The following CHST11 variants were observed in gnomAD, a reference collection of about 807,000 sequenced individuals.
CHST11 encodes the protein C4S-1.
A neutral mutation model predicts 30.4 loss-of-function variants in CHST11; 9 were observed. The observed-to-expected ratio is 0.30, with a 90% CI of 0.18 to 0.52. The LOEUF (loss-of-function observed/expected upper bound fraction) is 0.52, where lower values mean the gene tolerates loss of function less well. CHST11 is among the 20% of genes least tolerant of loss of function. The probability of loss-of-function intolerance (pLI) is 0.97; values close to 1 mark genes in which losing one functional copy is unlikely to be tolerated. For synonymous variants in CHST11, 152 were observed against 187.8 expected, an observed-to-expected ratio of 0.81 and a Z score of 1.56; for missense variants, 348 against 460.6, an observed-to-expected ratio of 0.76 and a Z score of 2.24.
chr12:104,641,895 G>A (rs1455548815), intron 2 of CHST11, among the ~76,000 whole-genome samples: 2 of 152,148 alleles, frequency 1.3e-5, no homozygotes, highest in Non-Finnish European at 2.9e-5. Context: ...TAAAGCCATG[G>A]TTCTCAACCA....
chr12:104,715,163 G>C (rs1355205087), intron 2 of CHST11, among the ~76,000 whole-genome samples: 1 of 152,132 alleles, frequency 6.6e-6, no homozygotes, highest in Non-Finnish European at 1.5e-5. Flanking sequence ...TCAGGAGTTC[G>C]AGACCAGCCT....
chr12:104,756,919 G>A, intron 2 of CHST11, 30 bp from the exon 3 acceptor site: 2 of 1,591,918 alleles, frequency 1.3e-6, no homozygotes, highest in East Asian at 2.2e-5. Flanking sequence ...CAAGTACTGA[G>A]TTCTTATTCG....
intron 1 of CHST11, among the ~76,000 whole-genome samples, chr12:104,549,196 G>T (rs1490606303): frequency 6.6e-6 from 1 of 152,194 alleles, no homozygotes; most frequent in Admixed American, 6.5e-5. Context: ...GGGCTGGAGT[G>T]GGGACAGCTG....
chr12:104,704,731 G>A (rs1392333996), intron 2 of CHST11, among the ~76,000 whole-genome samples: 1 of 151,734 alleles, frequency 6.6e-6, no homozygotes, highest in Non-Finnish European at 1.5e-5. Flanking sequence ...CCAGAACCCT[G>A]GCCTTTGGAG....
At chr12:104,498,823 G>A (rs901428320) in intron 1 of CHST11, among the ~76,000 whole-genome samples, 1 of 152,192 alleles carries the variant, frequency 6.6e-6, no homozygotes, top group African/African-American at 2.4e-5. Flanking sequence ...AACATTAAGG[G>A]TTTCTTTTAT....
At chr12:104,554,428 T>G (rs1375797825) in intron 1 of CHST11, among the ~76,000 whole-genome samples, 1 of 152,166 alleles carries the variant, frequency 6.6e-6, no homozygotes, top group East Asian at 1.9e-4. Context: ...GTGTTTGAAA[T>G]GAGGGTAAGA....
At chr12:104,738,295 C>CT (rs1477185691) in intron 2 of CHST11, among the ~76,000 whole-genome samples, 1 of 152,210 alleles carries the variant, frequency 6.6e-6, no homozygotes, top group Non-Finnish European at 1.5e-5. Flanking sequence ...GCCCCGCTCT[C>CT]TGTCGCCTCA....
intron 2 of CHST11, among the ~76,000 whole-genome samples, chr12:104,639,717 G>C (rs2057321276): frequency 6.6e-6 from 1 of 152,202 alleles, no homozygotes; most frequent in African/African-American, 2.4e-5. Context: ...GCATTAACAT[G>C]ATCTGAGGGA....
chr12:104,731,294 C>T (rs951975021), intron 2 of CHST11, among the ~76,000 whole-genome samples: 1 of 152,180 alleles, frequency 6.6e-6, no homozygotes, highest in African/African-American at 2.4e-5. Flanking sequence ...GACACTCCCA[C>T]CAGCAAACTA....
chr12:104,483,957 C>G (rs1380172870), intron 1 of CHST11, among the ~76,000 whole-genome samples: 1 of 152,194 alleles, frequency 6.6e-6, no homozygotes. Context: ...CAGGGAGGAT[C>G]TGAACCTGGG....
chr12:104,579,853 AG>A lies in CHST11; in HGVS notation c.119-22051del, dbSNP rs2038722676. Among the ~76,000 whole-genome samples, 8 of 152,348 alleles carry A rather than the reference AG, an allele frequency of 5.3e-5. No individual in the cohort carries two copies. In the South Asian group the frequency reaches 1.7e-3, roughly 32 times the overall value. ...ATTGGAGATAAAAGCTAAATGTCTA[AG>A]GTCTAGCAGTATCAAGATGACCAGA... On this transcript the variant is annotated intron_variant, in intron 1 of 2. Transcript: ENST00000303694.
At chr12:104,584,367 A>C (rs1291977111) in intron 1 of CHST11, among the ~76,000 whole-genome samples, 1 of 146,570 alleles carries the variant, frequency 6.8e-6, no homozygotes, top group South Asian at 2.1e-4. Flanking sequence ...AGCGCTTCTT[A>C]TGCCTCAGCC....
At chr12:104,680,961 T>C (rs1199035170) in intron 2 of CHST11, among the ~76,000 whole-genome samples, 3 of 152,258 alleles carry the variant, frequency 2.0e-5, no homozygotes, top group Non-Finnish European at 4.4e-5. Flanking sequence ...TTAAAGTCTC[T>C]GGACCTCAAT....
chr12:104,652,610 A>G (rs1223999071), intron 2 of CHST11, among the ~76,000 whole-genome samples: 3 of 152,238 alleles, frequency 2.0e-5, no homozygotes, highest in Non-Finnish European at 4.4e-5. Context: ...TTTCCCAGCC[A>G]TGGTGAGGAA....
chr12:104,607,668 C>T (rs142101316), intron 2 of CHST11, among the ~76,000 whole-genome samples: 1 of 152,206 alleles, frequency 6.6e-6, no homozygotes, highest in Non-Finnish European at 1.5e-5. Context: ...GTCCATGGCG[C>T]ATTCAGAGAA....
intron 1 of CHST11, among the ~76,000 whole-genome samples, chr12:104,518,511 C>A (rs1264355206): frequency 2.0e-5 from 3 of 152,044 alleles, no homozygotes; most frequent in African/African-American, 4.8e-5. Flanking sequence ...GTCTGTGCAC[C>A]GTGTTCTGGG....
At position 104,668,837 on chromosome 12, in the gene CHST11, T is replaced by G. The variant is rs556637122; in HGVS notation, c.204+66846T>G. Among the ~76,000 whole-genome samples the G allele has an allele frequency of 5.3e-5, 8 of 152,328 alleles. No individual in the cohort carries two copies. The South Asian group carries it at 1.7e-3, about 32-fold the overall frequency. ...CTCTTTGGAACCAATACAGTTGTTTTCCTGTAAGAACACAGAGAAGACCCA... is the reference window on the plus strand; with the variant it reads ...CTCTTTGGAACCAATACAGTTGTTTGCCTGTAAGAACACAGAGAAGACCCA... On this transcript the variant is annotated intron_variant, in intron 2 of 2. Coordinates refer to ENST00000303694, the MANE Select transcript of CHST11 (RefSeq NM_018413.6).
At chr12:104,734,359 C>G (rs147106677) in intron 2 of CHST11, among the ~76,000 whole-genome samples, 1 of 152,256 alleles carries the variant, frequency 6.6e-6, no homozygotes, top group African/African-American at 2.4e-5. Context: ...CCTGAAGGAC[C>G]AGCAGTTCCG....
At chr12:104,461,496 A>T (rs1049412489) in intron 1 of CHST11, among the ~76,000 whole-genome samples, 1 of 152,220 alleles carries the variant, frequency 6.6e-6, no homozygotes, top group African/African-American at 2.4e-5. Context: ...ATGCAGTGCA[A>T]AGCTGAGAGG....
Sources: gnomAD v4.1 joint callset for allele counts (sites outside exome capture counted in the v4.1 genomes callset) on GRCh38, gnomAD v4.1.1 for gene constraint, MANE v1.5 for transcripts, NCBI Gene and HGNC (gene_info 2026-07-23, HGNC 2026-07-21) for gene names.